Variants in PARVA observed in about 807,000 individuals in gnomAD.
PARVA encodes parvin alpha.
A neutral mutation model predicts 52.6 loss-of-function variants in PARVA; 25 were observed. The ratio of observed to expected loss-of-function variants is 0.48; its 90% CI spans 0.35 to 0.66. The LOEUF (loss-of-function observed/expected upper bound fraction) is 0.66, where lower values mean the gene tolerates loss of function less well. PARVA is among the 30% of genes least tolerant of loss of function. The pLI, the probability that PARVA is intolerant of heterozygous loss-of-function variation, is 0.01. For missense variants in PARVA, 373 were observed against 450.9 expected, an observed-to-expected ratio of 0.83 and a Z score of 1.56; for synonymous variants, 185 against 179.1, an observed-to-expected ratio of 1.03 and a Z score of -0.26.
chr11:12,435,588 T>C (rs564514287), intron 1 of PARVA, among the ~76,000 whole-genome samples: 60 of 152,146 alleles, frequency 3.9e-4, no homozygotes, highest in Non-Finnish European at 7.8e-4. Context: ...GCATGTTGAG[T>C]GTACAAACTC....
chr11:12,425,241 A>G (rs1589952751), intron 1 of PARVA, among the ~76,000 whole-genome samples: 1 of 152,226 alleles, frequency 6.6e-6, no homozygotes, highest in Non-Finnish European at 1.5e-5. Flanking sequence ...TTTATTCAAC[A>G]TAATTAGTTC....
At chr11:12,442,781 T>C (rs888857172) in intron 1 of PARVA, among the ~76,000 whole-genome samples, 3 of 151,708 alleles carry the variant, frequency 2.0e-5, no homozygotes, top group African/African-American at 7.3e-5. Flanking sequence ...ATAAAATAAA[T>C]GACATAAGGG....
chr11:12,480,891 G>A (rs1281054674), intron 4 of PARVA: 2 of 151,604 alleles, frequency 1.3e-5, no homozygotes, highest in Non-Finnish European at 2.9e-5. Flanking sequence ...GAATGTTTTG[G>A]TTTGTTTTCT....
intron 3 of PARVA, among the ~76,000 whole-genome samples, chr11:12,475,435 G>A (rs1311475058): frequency 1.3e-5 from 2 of 152,178 alleles, no homozygotes; most frequent in Non-Finnish European, 2.9e-5. Flanking sequence ...GAGCTTCTTG[G>A]GGTTAGAGAC....
At chr11:12,408,533 A>G (rs1939946961) in intron 1 of PARVA, among the ~76,000 whole-genome samples, 2 of 152,208 alleles carry the variant, frequency 1.3e-5, no homozygotes, top group African/African-American at 4.8e-5. Flanking sequence ...TGAAGAGGTC[A>G]GGGATGGTTC....
upstream of PARVA, chr11:12,377,420 G>A (rs1939407496): frequency 7.3e-7 from 1 of 1,370,038 alleles, no homozygotes; most frequent in African/African-American, 1.5e-5. Context: ...ACCCAGGGGC[G>A]CAAGGCGCGG....
chr11:12,504,987 C>T (rs895239949), intron 6 of PARVA, among the ~76,000 whole-genome samples: 1 of 152,228 alleles, frequency 6.6e-6, no homozygotes, highest in Admixed American at 6.5e-5. Context: ...TGTTCACCCA[C>T]TCACAGAAGC....
chr11:12,432,002 C>T (rs778269565), intron 1 of PARVA, among the ~76,000 whole-genome samples: 7 of 152,286 alleles, frequency 4.6e-5, no homozygotes, highest in African/African-American at 7.2e-5. Flanking sequence ...GAATCATAAA[C>T]GAAATGAAAC....
intron 1 of PARVA, among the ~76,000 whole-genome samples, chr11:12,453,882 G>A (rs1048332557): frequency 2.0e-5 from 3 of 152,148 alleles, no homozygotes; most frequent in African/African-American, 7.2e-5. Flanking sequence ...CATGGTGAGC[G>A]AGCCCTCTTG....
chr11:12,505,803 T>C (rs1941425251), intron 6 of PARVA, among the ~76,000 whole-genome samples: 1 of 152,176 alleles, frequency 6.6e-6, no homozygotes, highest in Admixed American at 6.5e-5. Flanking sequence ...TTTTTACCAA[T>C]CAATGATGTG....
chr11:12,429,786 G>C (rs1245981947), intron 1 of PARVA, among the ~76,000 whole-genome samples: 1 of 152,102 alleles, frequency 6.6e-6, no homozygotes, highest in Non-Finnish European at 1.5e-5. Flanking sequence ...TGAGCAGTAG[G>C]ATATAAATAA....
intron 1 of PARVA, among the ~76,000 whole-genome samples, chr11:12,379,670 G>A (rs1939457132): frequency 6.6e-6 from 1 of 152,158 alleles, no homozygotes; most frequent in Non-Finnish European, 1.5e-5. Context: ...TCATCTTAAA[G>A]TATAAAAACA....
At chr11:12,393,043 TGA>T (rs1491385253) in intron 1 of PARVA, among the ~76,000 whole-genome samples, 119 of 78,566 alleles carry the variant, frequency 1.5e-3, no homozygotes, top group South Asian at 5.9e-3. Context: ...CCCCAAATTG[TGA>T]AAAAAAAAAA....
At position 12,528,280 on chromosome 11, in the gene PARVA, G is replaced by C. The variant is rs1193195014; in HGVS notation, c.*355G>C. On this transcript the variant is annotated 3_prime_UTR_variant, in exon 13 of 13. Coordinates refer to ENST00000334956, the MANE Select transcript of PARVA (RefSeq NM_018222.5). Reference sequence around the variant, plus strand: ...AGTTACCATTCAAAGGATGCTAACTGTGTGTCAGGCCCCACACTAAGTGCT... The same window carrying C: ...AGTTACCATTCAAAGGATGCTAACTCTGTGTCAGGCCCCACACTAAGTGCT... 1.0e-5 allele frequency: 3 copies of C among 299,750 alleles called. No homozygotes were observed. Among genetic ancestry groups the C allele is most frequent in the Non-Finnish European group, 1.9e-5 (3 of 155,942 alleles). The allele number at this position is 299,750 out of a possible 1,614,324, so 18.6% of individuals were successfully genotyped here.
chr11:12,407,741 G>A (rs1939933835), intron 1 of PARVA, among the ~76,000 whole-genome samples: 1 of 152,192 alleles, frequency 6.6e-6, no homozygotes, highest in Non-Finnish European at 1.5e-5. Flanking sequence ...CACTCTCAGA[G>A]TGTACATGGC....
chr11:12,514,965 T>G (rs1941550285), intron 10 of PARVA, among the ~76,000 whole-genome samples: 1 of 152,268 alleles, frequency 6.6e-6, no homozygotes, highest in African/African-American at 2.4e-5. Flanking sequence ...CTTTTTGAAG[T>G]GTTCAGGCCA....
chr11:12,501,106 C>CAA lies in PARVA; in HGVS notation c.542-3196_542-3195dup, dbSNP rs112564187. On this transcript the variant is annotated intron_variant, in intron 5 of 12. Transcript: ENST00000334956. ...CTGGGCGACGAGCAAAAATCCATCT[C>CAA]AAAAAAAAAAAAACAATCTTTCCAC... 1.7e-4 allele frequency among the ~76,000 whole-genome samples: 23 copies of CAA among 132,598 alleles called. No individual in the cohort carries two copies. In the East Asian group the frequency reaches 3.6e-3, roughly 21 times the overall value. 87.0% of individuals were successfully genotyped at this position (132,598 alleles called of 152,430 possible).
At chr11:12,512,311 C>T (rs1356825282) in intron 8 of PARVA, among the ~76,000 whole-genome samples, 1 of 152,222 alleles carries the variant, frequency 6.6e-6, no homozygotes, top group African/African-American at 2.4e-5. Context: ...CTCATCACAG[C>T]TCTTATCTCT....
At chr11:12,523,852 C>A (rs534482361) in intron 12 of PARVA, among the ~76,000 whole-genome samples, 1 of 152,320 alleles carries the variant, frequency 6.6e-6, no homozygotes, top group Admixed American at 6.5e-5. Flanking sequence ...AGGGCTTTGA[C>A]GTGGCTCTGT....
Sources: gnomAD v4.1 joint callset for allele counts (sites outside exome capture counted in the v4.1 genomes callset) on GRCh38, gnomAD v4.1.1 for gene constraint, MANE v1.5 for transcripts, NCBI Gene and HGNC (gene_info 2026-07-23, HGNC 2026-07-21) for gene names.